CLEC16A: variants seen among roughly 807,000 people sequenced by gnomAD.
CLEC16A encodes protein CLEC16A.
Under a neutral mutation model 109.5 loss-of-function variants are expected in CLEC16A, and 51 were observed. The observed-to-expected ratio is 0.47, with a 90% CI of 0.37 to 0.59. CLEC16A has a LOEUF of 0.59. CLEC16A is among the 20% of genes least tolerant of loss of function. The pLI is 0.00. For missense variants in CLEC16A, 1,339 were observed against 1,394.0 expected (o/e 0.96, Z 0.63); for synonymous variants, 673 against 564.2 (o/e 1.19, Z -2.73).
intron 10 of CLEC16A, among the ~76,000 whole-genome samples, chr16:10,990,106 A>T (rs978241143): frequency 2.0e-5 from 3 of 152,244 alleles, no homozygotes; most frequent in African/African-American, 4.8e-5. Context: ...TGAATATCAA[A>T]GGGTAAAGAT....
chr16:10,982,280 C>G (rs995157649), intron 9 of CLEC16A, among the ~76,000 whole-genome samples: 5 of 152,160 alleles, frequency 3.3e-5, no homozygotes, highest in African/African-American at 1.2e-4. Flanking sequence ...CATCCTGGCC[C>G]ACCTGGGTTT....
intron 14 of CLEC16A, chr16:11,041,796 C>T (rs1464466533): frequency 1.9e-5 from 3 of 155,046 alleles, no homozygotes; most frequent in African/African-American, 4.8e-5. Context: ...TGACTGGCTC[C>T]CTTGCCTGGT....
intron 19 of CLEC16A, among the ~76,000 whole-genome samples, chr16:11,083,124 T>A (rs1282408047): frequency 1.4e-5 from 2 of 144,272 alleles, no homozygotes; most frequent in East Asian, 4.0e-4. Context: ...GGATTGAGGT[T>A]TTGTTTGTTT....
intron 11 of CLEC16A, among the ~76,000 whole-genome samples, chr16:11,011,906 C>T (rs537632212): frequency 6.6e-6 from 1 of 152,144 alleles, no homozygotes; most frequent in East Asian, 1.9e-4. Context: ...CTCCTAACAA[C>T]GTCTACTCAC....
intron 23 of CLEC16A, among the ~76,000 whole-genome samples, chr16:11,168,724 A>G (rs2068377541): frequency 6.6e-6 from 1 of 152,180 alleles, no homozygotes; most frequent in Non-Finnish European, 1.5e-5. Context: ...TGGGCTTCCC[A>G]TGTTCCTTGT....
At chr16:11,027,916 G>A (rs34249307) in intron 13 of CLEC16A, among the ~76,000 whole-genome samples, 183 of 152,296 alleles carry the variant, frequency 1.2e-3, no homozygotes, top group Middle Eastern at 3.4e-3. Context: ...AAAGACAGTA[G>A]CTGGCTGGGC....
intron 13 of CLEC16A, chr16:11,027,114 G>A (rs2046450293): frequency 6.6e-7 from 1 of 1,515,390 alleles, no homozygotes; most frequent in Non-Finnish European, 9.1e-7. Flanking sequence ...AGCCACCCAG[G>A]CAAAGCAGGA....
At chr16:11,034,457 G>C (rs947077527) in intron 13 of CLEC16A, among the ~76,000 whole-genome samples, 1 of 152,176 alleles carries the variant, frequency 6.6e-6, no homozygotes. Context: ...CTACTACTAA[G>C]GGGGAAGAAT....
chr16:11,067,866 G>A (rs2048855706), intron 19 of CLEC16A, among the ~76,000 whole-genome samples: 1 of 152,206 alleles, frequency 6.6e-6, no homozygotes, highest in Non-Finnish European at 1.5e-5. Flanking sequence ...CCTAGGTACA[G>A]GGGCTTTTAT....
chr16:11,002,677 G>A (rs2044740370), intron 10 of CLEC16A, among the ~76,000 whole-genome samples: 1 of 151,758 alleles, frequency 6.6e-6, no homozygotes, highest in Non-Finnish European at 1.5e-5. Context: ...CAGTCTCATT[G>A]TCCATCATCC....
At chr16:11,027,121 A>G (rs1024025116) in intron 13 of CLEC16A, 28 of 1,507,862 alleles carry the variant, frequency 1.9e-5, no homozygotes, top group Non-Finnish European at 2.1e-5. Context: ...CAGGCAAAGC[A>G]GGAACTTTTG....
intron 23 of CLEC16A, among the ~76,000 whole-genome samples, chr16:11,167,095 C>T (rs1205236907): frequency 6.6e-6 from 1 of 152,074 alleles, no homozygotes; most frequent in African/African-American, 2.4e-5. Flanking sequence ...AGAGGGAACC[C>T]GGGAGTGAAT....
At chr16:11,177,071 T>C (rs1461037996) in intron 23 of CLEC16A, among the ~76,000 whole-genome samples, 4 of 152,190 alleles carry the variant, frequency 2.6e-5, no homozygotes, top group African/African-American at 4.8e-5. Context: ...GCTGTCAGAC[T>C]CTTAGCTCGA....
chr16:10,972,868 T>TTTGGTTTTGTTTTG, intron 6 of CLEC16A, 70 bp from the exon 7 acceptor site: 1 of 1,250,054 alleles, frequency 8.0e-7, no homozygotes, highest in Admixed American at 3.1e-5. Flanking sequence ...TTTGTTTTTG[T>TTTGGTTTTGTTTTG]TTTTTTTTTA....
chr16:10,978,668 T>C (rs12708714), intron 8 of CLEC16A, among the ~76,000 whole-genome samples: 32,530 of 152,096 alleles, frequency 0.21, 3,795 homozygotes, highest in African/African-American at 0.3. Flanking sequence ...ACAGAGTGTG[T>C]GTGTGAGAAG....
At chr16:10,976,716 G>A (rs558786660) in intron 7 of CLEC16A, among the ~76,000 whole-genome samples, 1 of 152,306 alleles carries the variant, frequency 6.6e-6, no homozygotes, top group Admixed American at 6.5e-5. Flanking sequence ...CCCATCCCCA[G>A]CATGCTGTTG....
At chr16:11,046,140 C>T (rs1215527664) in intron 16 of CLEC16A, among the ~76,000 whole-genome samples, 3 of 152,116 alleles carry the variant, frequency 2.0e-5, no homozygotes, top group Non-Finnish European at 4.4e-5. Flanking sequence ...TATAACTGCC[C>T]TAAGTTTATG....
chr16:11,093,278 C>T (rs979670965), intron 19 of CLEC16A, among the ~76,000 whole-genome samples: 79 of 152,292 alleles, frequency 5.2e-4, no homozygotes, highest in African/African-American at 1.8e-3. Context: ...TGAGCCTGGG[C>T]CCTGGAGTTG....
intron 19 of CLEC16A, among the ~76,000 whole-genome samples, chr16:11,083,362 C>T (rs1484124119): frequency 6.6e-6 from 1 of 152,094 alleles, no homozygotes; most frequent in Non-Finnish European, 1.5e-5. Flanking sequence ...CAGTATTTTG[C>T]CATTTTGCCC....
Sources: gnomAD v4.1 joint callset for allele counts (sites outside exome capture counted in the v4.1 genomes callset) on GRCh38, gnomAD v4.1.1 for gene constraint, MANE v1.5 for transcripts, NCBI Gene and HGNC (gene_info 2026-07-23, HGNC 2026-07-21) for gene names.